GRM7: variants seen among roughly 807,000 people sequenced by gnomAD.
The protein encoded by GRM7 is glutamate metabotropic receptor 7, also known as metabotropic glutamate receptor 7.
Under a neutral mutation model 84.5 loss-of-function variants are expected in GRM7, and 35 were observed. The ratio of observed to expected loss-of-function variants is 0.41; its 90% CI spans 0.32 to 0.55. GRM7 has a LOEUF of 0.55. Ranked by LOEUF, GRM7 falls within the 20% of genes least tolerant of loss-of-function variation. The pLI is 0.19. For synonymous variants in GRM7, 487 were observed against 455.1 expected (o/e 1.07, Z -0.89); for missense variants, 1,003 against 1,194.6 (o/e 0.84, Z 2.36).
chr3:6,950,246 C>T (rs1194057679), intron 1 of GRM7, among the ~76,000 whole-genome samples: 4 of 150,824 alleles, frequency 2.7e-5, no homozygotes, highest in Non-Finnish European at 5.9e-5. Context: ...TGTAGATGTC[C>T]TTTCTGTTTG....
At chr3:7,189,093 G>C (rs920154765) in intron 2 of GRM7, among the ~76,000 whole-genome samples, 1 of 152,110 alleles carries the variant, frequency 6.6e-6, no homozygotes, top group East Asian at 1.9e-4. Flanking sequence ...TAACTCAGCC[G>C]GGAGCTGATT....
chr3:7,424,757 A>G (rs1696536297), intron 5 of GRM7, among the ~76,000 whole-genome samples: 1 of 152,220 alleles, frequency 6.6e-6, no homozygotes, highest in Non-Finnish European at 1.5e-5. Context: ...GGGAGCTTTT[A>G]TTCCAGTACA....
At chr3:7,488,355 A>G (rs534116730) in intron 7 of GRM7, among the ~76,000 whole-genome samples, 2 of 152,200 alleles carry the variant, frequency 1.3e-5, no homozygotes, top group African/African-American at 4.8e-5. Context: ...CGGTTTGGAT[A>G]TGGTTTGTCT....
chr3:7,044,385 G>A (rs1696730264), intron 1 of GRM7, among the ~76,000 whole-genome samples: 1 of 152,162 alleles, frequency 6.6e-6, no homozygotes. Context: ...TAATGGAATT[G>A]TTTCCTGGTG....
At chr3:7,157,715 T>C (rs1694498241) in intron 2 of GRM7, among the ~76,000 whole-genome samples, 1 of 32,008 alleles carries the variant, frequency 3.1e-5, no homozygotes, top group African/African-American at 2.3e-4. Context: ...TGCTATTTCA[T>C]TTTTTTTTTT....
At chr3:6,886,112 T>G (rs1019501858) in intron 1 of GRM7, among the ~76,000 whole-genome samples, 1 of 146,554 alleles carries the variant, frequency 6.8e-6, no homozygotes, top group South Asian at 2.1e-4. Context: ...TGTGTGTGGG[T>G]GTGTGTGTGT....
At chr3:7,345,684 C>G (rs557417321) in intron 4 of GRM7, among the ~76,000 whole-genome samples, 129 of 152,194 alleles carry the variant, frequency 8.5e-4, no homozygotes, top group African/African-American at 2.9e-3. Context: ...TGTCAACTCT[C>G]TGATTATAAT....
chr3:7,368,826 CTCT>C (rs1258418788), intron 4 of GRM7, among the ~76,000 whole-genome samples: 1 of 152,108 alleles, frequency 6.6e-6, no homozygotes, highest in Non-Finnish European at 1.5e-5. Flanking sequence ...CCCATCGTAT[CTCT>C]AACATCAAAT....
Position 7,415,051 on chromosome 3 carries a change from A to G in GRM7, c.1062A>G (p.Thr354=), listed in dbSNP as rs763023682. 4.3e-6 allele frequency: 7 copies of G among 1,612,988 alleles called. No individual in the cohort carries two copies. Among genetic ancestry groups the G allele is most frequent in the African/African-American group, 1.3e-5 (1 of 74,878 alleles). The part of the protein sequence containing the change: ...EGFDAYFTSR[T]LENNRRNVWF... ...TTGATGCCTACTTTACGTCCCGTACACTTGAAAACAACAGAAGAAATGTAT... is the reference window on the plus strand; with the variant it reads ...TTGATGCCTACTTTACGTCCCGTACGCTTGAAAACAACAGAAGAAATGTAT... Residue 354 remains threonine, a synonymous_variant, in exon 5 of 10, where the codon ACA becomes ACG. Transcript: ENST00000357716.
chr3:7,497,461 A>T (rs1392917613), intron 7 of GRM7, among the ~76,000 whole-genome samples: 1 of 152,162 alleles, frequency 6.6e-6, no homozygotes, highest in African/African-American at 2.4e-5. Flanking sequence ...ATCTAGATTT[A>T]CTACAGTCTC....
intron 1 of GRM7, among the ~76,000 whole-genome samples, chr3:6,932,168 G>A (rs990830557): frequency 6.6e-6 from 1 of 152,080 alleles, no homozygotes; most frequent in East Asian, 1.9e-4. Flanking sequence ...TTTGTGAATC[G>A]AATGACTAGA....
intron 4 of GRM7, among the ~76,000 whole-genome samples, chr3:7,309,657 G>T (rs1700322134): frequency 1.3e-5 from 2 of 152,138 alleles, no homozygotes; most frequent in South Asian, 4.2e-4. Context: ...CAGAAATTGT[G>T]TTAGGCCAAA....
intron 1 of GRM7, among the ~76,000 whole-genome samples, chr3:7,105,709 G>A (rs1211757901): frequency 5.3e-5 from 8 of 151,500 alleles, no homozygotes; most frequent in Admixed American, 5.3e-4. Flanking sequence ...GTTCTTTCAG[G>A]TATTTTGTGG....
At chr3:7,539,483 TG>T (rs1692746451) in intron 7 of GRM7, among the ~76,000 whole-genome samples, 1 of 109,654 alleles carries the variant, frequency 9.1e-6, no homozygotes, top group Non-Finnish European at 2.2e-5. Context: ...AAGACTAGCC[TG>T]GCAAAAGATG....
chr3:7,452,573 TG>T, intron 5 of GRM7, 33 bp from the exon 6 acceptor site: 1 of 1,294,314 alleles, frequency 7.7e-7, no homozygotes, highest in Non-Finnish European at 1.1e-6. Context: ...TGTGTGTGTG[TG>T]TGTGTGTGTG....
chr3:7,315,445 G>A (rs1049196443), intron 4 of GRM7, among the ~76,000 whole-genome samples: 22 of 152,160 alleles, frequency 1.4e-4, no homozygotes, highest in Non-Finnish European at 3.1e-4. Context: ...CTTTGCCCCA[G>A]GTGGCTGTGG....
chr3:7,351,492 G>A (rs1195318175), intron 4 of GRM7, among the ~76,000 whole-genome samples: 1 of 152,064 alleles, frequency 6.6e-6, no homozygotes, highest in Non-Finnish European at 1.5e-5. Flanking sequence ...CAACTTGACT[G>A]GATTGAAGGT....
intron 1 of GRM7, among the ~76,000 whole-genome samples, chr3:6,869,301 A>G (rs1422602183): frequency 2.0e-5 from 3 of 152,188 alleles, no homozygotes; most frequent in African/African-American, 4.8e-5. Context: ...TGGAATGGGT[A>G]TAATAAAAAT....
chr3:7,325,042 C>T (rs1291440652), intron 4 of GRM7, among the ~76,000 whole-genome samples: 5 of 152,158 alleles, frequency 3.3e-5, no homozygotes, highest in Non-Finnish European at 5.9e-5. Context: ...TTTTTTCAGT[C>T]GCCAGGATGG....
Sources: allele counts gnomAD v4.1 joint callset (sites outside exome capture counted in the v4.1 genomes callset), GRCh38; gene constraint gnomAD v4.1.1; transcripts MANE v1.5; gene names NCBI Gene and HGNC (gene_info 2026-07-23, HGNC 2026-07-21).